The following CA13 variants were observed in gnomAD, a reference collection of about 807,000 sequenced individuals.
CA13 encodes the protein CA-XIII.
Under a neutral mutation model 31.5 loss-of-function variants are expected in CA13, and 21 were observed. That is an observed-to-expected ratio of 0.67 (90% CI 0.47 to 0.96). The LOEUF (loss-of-function observed/expected upper bound fraction) is 0.96. CA13 is among the 40% of genes least tolerant of loss of function. CA13 has a pLI of 0.00. For synonymous variants in CA13, 117 were observed against 111.4 expected (o/e 1.05, Z -0.32); for missense variants, 315 against 318.9 (o/e 0.99, Z 0.09).
At chr8:85,262,432 A>G (rs1488220468) in intron 3 of CA13, among the ~76,000 whole-genome samples, 6 of 152,162 alleles carry the variant, frequency 3.9e-5, no homozygotes, top group Non-Finnish European at 7.3e-5. Context: ...GCATAAAATC[A>G]TGTGTGAGGA....
Position 85,245,695 on chromosome 8 carries a change from G to A in CA13, c.-134G>A. On this transcript the variant is annotated 5_prime_UTR_variant, in exon 1 of 7. Transcript: ENST00000321764. ...CGCAGGCGGGAGCGCCCCGGACCGG[G>A]TTCACGGTCTCGCACTCCTGCCGCC... 3 of 1,018,078 alleles carry A rather than the reference G, an allele frequency of 2.9e-6. No individual in the cohort carries two copies. The highest frequency in any genetic ancestry group is 2.4e-5 in the East Asian group (1 of 41,512). The allele number at this position is 1,018,078 out of a possible 1,614,324, so 63.1% of individuals were successfully genotyped here. A position where few individuals can be genotyped will look rare whatever the true frequency, so the allele number is the denominator to read the frequency against.
chr8:85,245,791 T>G lies in CA13; in HGVS notation c.-38T>G, dbSNP rs756470988. 6.2e-7 allele frequency: 1 copy of G among 1,611,962 alleles called. No homozygotes were observed. The highest frequency in any genetic ancestry group is 1.1e-5 in the South Asian group (1 of 91,046). Reference sequence around the variant, plus strand: ...CCCGCTCCCTCCTCTTTCTCGCTGCTCAGTCACATCTTTCTCTTCCTTCCA... The same window carrying G: ...CCCGCTCCCTCCTCTTTCTCGCTGCGCAGTCACATCTTTCTCTTCCTTCCA... On this transcript the variant is annotated 5_prime_UTR_variant, in exon 1 of 7. Transcript: ENST00000321764.
chr8:85,246,193 A>C (rs1813726738), intron 1 of CA13: 2 of 495,906 alleles, frequency 4.0e-6, no homozygotes, highest in South Asian at 2.0e-5. Context: ...TATCAATTAC[A>C]GGCTTGGAGA....
intron 6 of CA13, among the ~76,000 whole-genome samples, chr8:85,276,690 A>G (rs1256721858): frequency 6.7e-6 from 1 of 150,098 alleles, no homozygotes; most frequent in African/African-American, 2.5e-5. Context: ...ATGTCTAGCT[A>G]AGGGATTGTA....
rs187621970 is a variant in CA13, at chr8:85,276,832, G to A, written c.670-4398G>A. ...CTAGCTACTCTGGTGGGGACTTGGA[G>A]AACCTTTATGTCTAGCTAAGGGATT... On this transcript the variant is annotated intron_variant, in intron 6 of 6. Transcript: ENST00000321764. Among the ~76,000 whole-genome samples, 1,235 of 151,952 alleles carry A rather than the reference G, an allele frequency of 8.1e-3. 18 individuals carry two copies. Among genetic ancestry groups the A allele is most frequent in the African/African-American group, 0.028 (1,163 of 41,420 alleles).
chr8:85,275,189 C>G (rs1334647464), intron 6 of CA13, among the ~76,000 whole-genome samples: 1 of 152,100 alleles, frequency 6.6e-6, no homozygotes, highest in East Asian at 1.9e-4. Context: ...AGAAGGAGAC[C>G]AAGCTCCGTG....
intron 6 of CA13, among the ~76,000 whole-genome samples, chr8:85,276,739 G>A (rs966953443): frequency 1.3e-5 from 2 of 152,144 alleles, no homozygotes; most frequent in Non-Finnish European, 2.9e-5. Flanking sequence ...CTCAAGGTTT[G>A]TAAACACACC....
intron 3 of CA13, among the ~76,000 whole-genome samples, chr8:85,264,328 A>G (rs1807426369): frequency 6.6e-6 from 1 of 152,238 alleles, no homozygotes; most frequent in Non-Finnish European, 1.5e-5. Flanking sequence ...TTATTTAGAA[A>G]TTAGTTGCCA....
At chr8:85,281,166 A>T (rs1807698459) in intron 6 of CA13, 64 bp from the exon 7 acceptor site, 1 of 1,567,208 alleles carries the variant, frequency 6.4e-7, no homozygotes, top group Non-Finnish European at 8.7e-7. Flanking sequence ...TTCTTTATGC[A>T]GGGTAATTCA....
At position 85,283,717 on chromosome 8, in the gene CA13, A is replaced by G. The variant is rs555001563; in HGVS notation, c.*2368A>G. 1.3e-5 allele frequency: 2 copies of G among 152,732 alleles called. No individual in the cohort carries two copies. The highest frequency in any genetic ancestry group is 2.9e-5 in the Non-Finnish European group (2 of 68,012). 9.5% of individuals were successfully genotyped at this position (152,732 alleles called of 1,614,324 possible). Reference sequence around the variant, plus strand: ...TGTAAGTTGCTATATGTGGAGGGGCATGTAGGACAGGGGTTCTAATTACTG... The same window carrying G: ...TGTAAGTTGCTATATGTGGAGGGGCGTGTAGGACAGGGGTTCTAATTACTG... On this transcript the variant is annotated 3_prime_UTR_variant, in exon 7 of 7. Transcript: ENST00000321764.
chr8:85,251,089 C>T (rs906072935), intron 2 of CA13, 152 bp downstream of exon 2: 2 of 670,272 alleles, frequency 3.0e-6, no homozygotes, highest in Admixed American at 5.7e-5. Context: ...GCAACCTCCG[C>T]CTCCTAAGTT....
chr8:85,264,596 T>A (rs1807431124), intron 3 of CA13, among the ~76,000 whole-genome samples: 1 of 152,234 alleles, frequency 6.6e-6, no homozygotes, highest in Non-Finnish European at 1.5e-5. Context: ...GTTGTACTTT[T>A]AACTAGCAGA....
chr8:85,266,777 C>T (rs1203516503), intron 4 of CA13, 74 bp downstream of exon 4: 6 of 1,114,162 alleles, frequency 5.4e-6, no homozygotes, highest in Non-Finnish European at 8.0e-6. Flanking sequence ...AGTAGACATT[C>T]AACCATCTTG....
At chr8:85,250,528 C>T (rs1371873537) in intron 1 of CA13, among the ~76,000 whole-genome samples, 2 of 152,106 alleles carry the variant, frequency 1.3e-5, no homozygotes, top group Non-Finnish European at 2.9e-5. Context: ...CTGAACATGA[C>T]TTAAGGCACA....
intron 2 of CA13, among the ~76,000 whole-genome samples, chr8:85,254,795 G>GT (rs1260444655): frequency 0.015 from 1,341 of 90,632 alleles, 16 homozygotes; most frequent in African/African-American, 0.046. Flanking sequence ...TTTTGGTTTT[G>GT]TTTTTTTTTT....
rs368276668 is a variant in CA13 at position 85,274,274 on chromosome 8, T to G, written c.669+5647T>G. Among the ~76,000 whole-genome samples, 249 of 152,314 alleles carry G rather than the reference T, an allele frequency of 1.6e-3. 2 individuals are homozygous for G. Among genetic ancestry groups the G allele is most frequent in the African/African-American group, 5.7e-3 (238 of 41,570 alleles). On this transcript the variant is annotated intron_variant, in intron 6 of 6. Coordinates refer to ENST00000321764, the MANE Select transcript of CA13 (RefSeq NM_198584.3). The stretch of plus-strand genomic sequence containing the variant: ...TTGGAAAAAGAAAAACTTAATTTTT[T>G]GGGGTATTCTTGAGAGACGGGTTTG...
chr8:85,251,762 C>T (rs1481084441), intron 2 of CA13, among the ~76,000 whole-genome samples: 3 of 152,166 alleles, frequency 2.0e-5, no homozygotes, highest in Non-Finnish European at 4.4e-5. Flanking sequence ...TCTTTCTTCC[C>T]ACAGTCTCTC....
At chr8:85,248,580 G>C (rs763760514) in intron 1 of CA13, among the ~76,000 whole-genome samples, 1 of 152,078 alleles carries the variant, frequency 6.6e-6, no homozygotes, top group Non-Finnish European at 1.5e-5. Flanking sequence ...CAGGGTCATG[G>C]GGGGGACAAG....
Position 85,281,395 on chromosome 8 carries a change from A to G in CA13, c.*46A>G, listed in dbSNP as rs368322400. The G allele has an allele frequency of 3.7e-5, 58 of 1,585,606 alleles. No individual in the cohort carries two copies. The highest frequency in any genetic ancestry group is 9.1e-5 in the South Asian group (8 of 88,224). ...CCCCAAACATGGCTGTGGAGAGACA[A>G]CAAAACAAAACAAAGCACAAAAGTC... On this transcript the variant is annotated 3_prime_UTR_variant, in exon 7 of 7. Transcript: ENST00000321764.
Sources: gnomAD v4.1 joint callset for allele counts (sites outside exome capture counted in the v4.1 genomes callset) on GRCh38, gnomAD v4.1.1 for gene constraint, MANE v1.5 for transcripts, NCBI Gene and HGNC (gene_info 2026-07-23, HGNC 2026-07-21) for gene names.